Variants in CCDC192 observed in about 807,000 individuals in gnomAD.
The protein encoded by CCDC192 is coiled-coil domain-containing protein 192.
chr5:127,873,551 A>G (rs1229685133), intron 5 of CCDC192, among the ~76,000 whole-genome samples: 1 of 152,214 alleles, frequency 6.6e-6, no homozygotes, highest in Non-Finnish European at 1.5e-5. Context: ...AGTCCTTAAC[A>G]TTTCAGCACA....
At chr5:127,897,768 A>T (rs908318068) in intron 6 of CCDC192, among the ~76,000 whole-genome samples, 4 of 152,140 alleles carry the variant, frequency 2.6e-5, no homozygotes, top group Non-Finnish European at 5.9e-5. Flanking sequence ...AGCACTTTTG[A>T]AAAAGATCAT....
At chr5:127,827,021 A>G (rs1386439168) in intron 5 of CCDC192, among the ~76,000 whole-genome samples, 1 of 152,174 alleles carries the variant, frequency 6.6e-6, no homozygotes, top group African/African-American at 2.4e-5. Flanking sequence ...ATTTATTTTT[A>G]AAATATGACA....
chr5:127,786,529 C>G, intron 3 of CCDC192: 1 of 640,082 alleles, frequency 1.6e-6, no homozygotes, highest in Non-Finnish European at 2.9e-6. Flanking sequence ...CCTGTTTATT[C>G]AGTGGCCTAA....
At chr5:127,721,606 T>G (rs1341249872) in intron 2 of CCDC192, among the ~76,000 whole-genome samples, 1 of 152,202 alleles carries the variant, frequency 6.6e-6, no homozygotes, top group Non-Finnish European at 1.5e-5. Flanking sequence ...TTCCACATTT[T>G]CAGGTATCTT....
intron 5 of CCDC192, among the ~76,000 whole-genome samples, chr5:127,841,599 C>A (rs376744856): frequency 6.7e-4 from 102 of 152,176 alleles, no homozygotes; most frequent in African/African-American, 2.4e-3. Context: ...TCCATGTAAC[C>A]CCTCTGGAGC....
chr5:127,720,531 A>G (rs921524279), intron 2 of CCDC192, among the ~76,000 whole-genome samples: 6 of 152,202 alleles, frequency 3.9e-5, no homozygotes, highest in African/African-American at 9.6e-5. Context: ...TGGATCTACC[A>G]TGCTGGGGTC....
intron 3 of CCDC192, among the ~76,000 whole-genome samples, chr5:127,780,109 TTATC>T (rs1307524796): frequency 4.6e-5 from 7 of 152,044 alleles, no homozygotes; most frequent in African/African-American, 1.7e-4. Flanking sequence ...ATATCTATAT[TTATC>T]TATATATACA....
At chr5:127,831,456 AT>A (rs1749793561) in intron 5 of CCDC192, among the ~76,000 whole-genome samples, 1 of 152,028 alleles carries the variant, frequency 6.6e-6, no homozygotes, top group Non-Finnish European at 1.5e-5. Flanking sequence ...CATATTGGGC[AT>A]TTTTATAGTC....
intron 6 of CCDC192, among the ~76,000 whole-genome samples, chr5:127,920,778 C>T (rs1455360104): frequency 6.6e-6 from 1 of 151,660 alleles, no homozygotes; most frequent in Non-Finnish European, 1.5e-5. Context: ...AAAGGACTGG[C>T]GGCTGGGAGT....
At chr5:127,768,176 C>T (rs926504657) in intron 3 of CCDC192, among the ~76,000 whole-genome samples, 1 of 151,998 alleles carries the variant, frequency 6.6e-6, no homozygotes, top group African/African-American at 2.4e-5. Context: ...CGCTTGAACT[C>T]AGGAGGCAGA....
intron 3 of CCDC192, among the ~76,000 whole-genome samples, chr5:127,764,701 T>C (rs10044507): frequency 0.85 from 128,581 of 151,956 alleles, 54,567 homozygotes; most frequent in Middle Eastern, 0.93. Context: ...TTGGGGCACT[T>C]GTAAAATACA....
intron 3 of CCDC192, among the ~76,000 whole-genome samples, chr5:127,775,299 A>T (rs770155198): frequency 5.3e-5 from 8 of 152,118 alleles, no homozygotes; most frequent in Non-Finnish European, 1.2e-4. Flanking sequence ...TAATCACCCC[A>T]AGTTCTGGTA....
chr5:127,876,674 T>G (rs1004702640), intron 6 of CCDC192, among the ~76,000 whole-genome samples: 1 of 152,240 alleles, frequency 6.6e-6, no homozygotes, highest in Admixed American at 6.5e-5. Context: ...GTTCTTACTC[T>G]GGCTTTCTTT....
chr5:127,724,371 A>T (rs1223980550), intron 2 of CCDC192, among the ~76,000 whole-genome samples: 1 of 152,138 alleles, frequency 6.6e-6, no homozygotes, highest in Non-Finnish European at 1.5e-5. Flanking sequence ...AATCCTATTA[A>T]TGTTTTTCTT....
intron 6 of CCDC192, among the ~76,000 whole-genome samples, chr5:127,920,862 A>G (rs1753691479): frequency 6.6e-6 from 1 of 151,708 alleles, no homozygotes; most frequent in Non-Finnish European, 1.5e-5. Flanking sequence ...GGAGTTTGAG[A>G]TCAGCCTGGT....
intron 2 of CCDC192, among the ~76,000 whole-genome samples, chr5:127,711,627 ATTCT>A (rs1300555009): frequency 6.6e-6 from 1 of 152,186 alleles, no homozygotes; most frequent in Non-Finnish European, 1.5e-5. Flanking sequence ...CTTTCAAAAG[ATTCT>A]TTCCTTTGAT....
intron 3 of CCDC192, among the ~76,000 whole-genome samples, chr5:127,780,153 A>G (rs942551025): frequency 6.6e-6 from 1 of 152,042 alleles, no homozygotes; most frequent in Non-Finnish European, 1.5e-5. Flanking sequence ...ACACACACAT[A>G]TATACGTATA....
At chr5:127,804,295 T>C (rs2126985383) in intron 5 of CCDC192, among the ~76,000 whole-genome samples, 1 of 152,284 alleles carries the variant, frequency 6.6e-6, no homozygotes, top group South Asian at 2.1e-4. Flanking sequence ...TTCTCTACAA[T>C]TGCATCTCTC....
chr5:127,862,927 TTA>T (rs1491242991), intron 5 of CCDC192, among the ~76,000 whole-genome samples: 2 of 74,384 alleles, frequency 2.7e-5, no homozygotes, highest in Non-Finnish European at 5.3e-5. Context: ...GTTCCTTTAT[TTA>T]AAAAAAAAAA....
Sources: gnomAD v4.1 joint callset for allele counts (sites outside exome capture counted in the v4.1 genomes callset) on GRCh38, gnomAD v4.1.1 for gene constraint, MANE v1.5 for transcripts, NCBI Gene and HGNC (gene_info 2026-07-23, HGNC 2026-07-21) for gene names.